Variants in PCSK5 observed in about 807,000 individuals in gnomAD.
PCSK5 encodes the protein proprotein convertase subtilisin/kexin type 5.
A neutral mutation model predicts 233.2 loss-of-function variants in PCSK5; 129 were observed. The ratio of observed to expected loss-of-function variants is 0.55; its 90% CI spans 0.48 to 0.64. The LOEUF is 0.64. PCSK5 is among the 30% of genes least tolerant of loss of function. PCSK5 has a pLI of 0.00. For missense variants in PCSK5, 2,076 were observed against 2,430.1 expected, an observed-to-expected ratio of 0.85 and a Z score of 3.06; for synonymous variants, 825 against 879.2, an observed-to-expected ratio of 0.94 and a Z score of 1.09.
At chr9:76,147,977 C>G (rs1239372323) in intron 10 of PCSK5, among the ~76,000 whole-genome samples, 2 of 152,036 alleles carry the variant, frequency 1.3e-5, no homozygotes, top group East Asian at 3.9e-4. Context: ...TTGTTCCCTC[C>G]CTCCTTTCAC....
At chr9:76,130,928 A>G (rs1822740130) in intron 9 of PCSK5, among the ~76,000 whole-genome samples, 1 of 152,136 alleles carries the variant, frequency 6.6e-6, no homozygotes, top group African/African-American at 2.4e-5. Flanking sequence ...TGATCTCTCA[A>G]TAGTTGCTTG....
At chr9:76,182,370 A>T (rs1823911309) in intron 16 of PCSK5, among the ~76,000 whole-genome samples, 1 of 152,162 alleles carries the variant, frequency 6.6e-6, no homozygotes, top group African/African-American at 2.4e-5. Flanking sequence ...TTAACCCACT[A>T]ATGAGGGAAC....
chr9:75,956,883 G>A (rs1825117335), intron 2 of PCSK5, among the ~76,000 whole-genome samples: 1 of 151,846 alleles, frequency 6.6e-6, no homozygotes, highest in Non-Finnish European at 1.5e-5. Context: ...GATTCTCAAA[G>A]ACATAAGTCA....
At chr9:76,150,751 C>A (rs561778760) in intron 10 of PCSK5, among the ~76,000 whole-genome samples, 1 of 152,290 alleles carries the variant, frequency 6.6e-6, no homozygotes, top group Admixed American at 6.5e-5. Context: ...AACATTGCAA[C>A]TATAGTTCTG....
intron 24 of PCSK5, among the ~76,000 whole-genome samples, chr9:76,268,608 C>CTGAGG (rs1459945264): frequency 6.6e-6 from 1 of 152,200 alleles, no homozygotes; most frequent in African/African-American, 2.4e-5. Context: ...CTTTGGGAGG[C>CTGAGG]TGAGGTGGAC....
intron 1 of PCSK5, among the ~76,000 whole-genome samples, chr9:75,911,438 A>G (rs557221233): frequency 6.6e-6 from 1 of 152,046 alleles, no homozygotes; most frequent in African/African-American, 2.4e-5. Flanking sequence ...CATTGCAAAT[A>G]TTTTACAGTG....
chr9:75,997,556 G>C (rs2131418865), intron 3 of PCSK5, among the ~76,000 whole-genome samples: 1 of 152,300 alleles, frequency 6.6e-6, no homozygotes. Flanking sequence ...AGCCGAAAGA[G>C]CTGCTCCACA....
intron 1 of PCSK5, among the ~76,000 whole-genome samples, chr9:75,899,673 C>T (rs547071621): frequency 5.9e-5 from 9 of 152,210 alleles, no homozygotes; most frequent in African/African-American, 1.9e-4. Context: ...ATAGAAATGT[C>T]TAGTAGGTGG....
chr9:76,321,463 C>A lies in PCSK5; in HGVS notation c.3926C>A (p.Ser1309Tyr), dbSNP rs758385884. The A allele has an allele frequency of 8.1e-6, 13 of 1,611,078 alleles. No individual in the cohort carries two copies. The highest frequency in any genetic ancestry group is 1.1e-5 in the Non-Finnish European group (13 of 1,178,280). The change falls in exon 31 of 38, where the codon TCT becomes TAT. Residue 1309 changes from serine (S) to tyrosine (Y), a missense_variant. Coordinates refer to ENST00000674117, the MANE Select transcript of PCSK5 (RefSeq NM_001372043.1). ...AEDGICERCS[S>Y]PCRTCEGNAT... is the part of the protein sequence containing the mutation. ...GACGGCATATGTGAACGCTGTAGCT[C>A]TCCTTGCAGAACATGTGAAGGAAAC...
intron 1 of PCSK5, among the ~76,000 whole-genome samples, chr9:75,894,646 G>A (rs975108010): frequency 1.3e-5 from 2 of 152,136 alleles, no homozygotes; most frequent in Admixed American, 6.6e-5. Context: ...GGAGTCAGCT[G>A]CAGAATGCCC....
intron 24 of PCSK5, among the ~76,000 whole-genome samples, chr9:76,265,928 C>T (rs1827319323): frequency 6.6e-6 from 1 of 152,140 alleles, no homozygotes; most frequent in Admixed American, 6.5e-5. Flanking sequence ...GCCCAATTCT[C>T]TTTGCAATCC....
intron 14 of PCSK5, among the ~76,000 whole-genome samples, chr9:76,177,417 A>G (rs1032311344): frequency 6.6e-6 from 1 of 152,232 alleles, no homozygotes; most frequent in African/African-American, 2.4e-5. Flanking sequence ...AAAGTACTTC[A>G]TTAACCACCT....
At chr9:76,052,186 T>C (rs1829654620) in intron 5 of PCSK5, among the ~76,000 whole-genome samples, 1 of 152,196 alleles carries the variant, frequency 6.6e-6, no homozygotes. Context: ...ATGGCCTTGT[T>C]GTTGTTGATC....
chr9:76,322,703 C>T (rs2842468), intron 31 of PCSK5, among the ~76,000 whole-genome samples: 9,803 of 152,296 alleles, frequency 0.064, 367 homozygotes, highest in South Asian at 0.078. Flanking sequence ...GTTCTCAATA[C>T]AATTTTTTAA....
At chr9:76,339,261 T>A (rs1233461904) in intron 35 of PCSK5, among the ~76,000 whole-genome samples, 2 of 152,222 alleles carry the variant, frequency 1.3e-5, no homozygotes, top group African/African-American at 4.8e-5. Context: ...TTGTTAAAAC[T>A]TTCTAGAAAA....
intron 35 of PCSK5, among the ~76,000 whole-genome samples, chr9:76,340,618 G>A (rs4745536): frequency 1.4e-5 from 2 of 140,908 alleles, no homozygotes; most frequent in Non-Finnish European, 3.0e-5. Context: ...GCACTCCAGC[G>A]TGGCAACAGA....
At chr9:76,191,108 A>G (rs1394848547) in intron 20 of PCSK5, among the ~76,000 whole-genome samples, 2 of 152,166 alleles carry the variant, frequency 1.3e-5, no homozygotes, top group African/African-American at 4.8e-5. Flanking sequence ...ATTTACTCCT[A>G]AATTTATGCA....
chr9:75,953,937 C>A (rs76437973), intron 2 of PCSK5, among the ~76,000 whole-genome samples: 1 of 152,054 alleles, frequency 6.6e-6, no homozygotes, highest in Non-Finnish European at 1.5e-5. Context: ...TCTCTTTGCA[C>A]CTTAAAGCAG....
chr9:76,161,914 AT>A (rs1319925694), intron 12 of PCSK5, among the ~76,000 whole-genome samples: 4 of 152,162 alleles, frequency 2.6e-5, no homozygotes, highest in Non-Finnish European at 5.9e-5. Context: ...AGTCTCCCTC[AT>A]CAAGACCACC....
Sources: allele counts gnomAD v4.1 joint callset (sites outside exome capture counted in the v4.1 genomes callset), GRCh38; gene constraint gnomAD v4.1.1; transcripts MANE v1.5; gene names NCBI Gene and HGNC (gene_info 2026-07-23, HGNC 2026-07-21).